Variants in ZCWPW2 observed in about 807,000 individuals in gnomAD.
ZCWPW2 encodes the protein zinc finger CW-type PWWP domain protein 2.
ZCWPW2 carries 45 observed loss-of-function variants against 46.6 expected under a neutral mutation model. That is an observed-to-expected ratio of 0.96 (90% confidence interval 0.76 to 1.24). The LOEUF is 1.24. Among genes scored for constraint, ZCWPW2 ranks in the 50% most tolerant of loss-of-function variants. The probability of loss-of-function intolerance (pLI) is 0.00; values close to 1 mark genes in which losing one functional copy is unlikely to be tolerated. For synonymous variants in ZCWPW2, 152 were observed against 137.1 expected (o/e 1.11, Z -0.76); for missense variants, 429 against 403.9 (o/e 1.06, Z -0.53).
In ZCWPW2 at chr3:28,348,996, C is replaced by A. The variant is rs1209428015; in HGVS notation, c.-341C>A. ...AGCTCTCAGCCGGAAAAGGGGCTGC[C>A]GCTGTCCGCGGGCTCGGCGCCAGGG... On this transcript the variant is annotated 5_prime_UTR_variant, in exon 1 of 10. Transcript: ENST00000383768. The A allele has an allele frequency of 1.0e-6, 1 of 985,816 alleles. No homozygotes were observed. The highest frequency in any genetic ancestry group is 1.2e-6 in the Non-Finnish European group (1 of 830,276). 61.1% of individuals were successfully genotyped at this position (985,816 alleles called of 1,614,324 possible). A position where few individuals can be genotyped will look rare whatever the true frequency, so the allele number is the denominator to read the frequency against.
intron 6 of ZCWPW2, among the ~76,000 whole-genome samples, chr3:28,495,918 G>A (rs1699977820): frequency 6.6e-6 from 1 of 152,014 alleles, no homozygotes; most frequent in South Asian, 2.1e-4. Flanking sequence ...GAACAGGGCT[G>A]TGTAAAACAA....
chr3:28,464,224 A>G (rs1698742328), intron 4 of ZCWPW2, among the ~76,000 whole-genome samples: 1 of 152,096 alleles, frequency 6.6e-6, no homozygotes, highest in Admixed American at 6.6e-5. Flanking sequence ...TGAGAAATCT[A>G]CACACTGAAA....
chr3:28,499,211 C>T lies in ZCWPW2; in HGVS notation c.657+7038C>T, dbSNP rs539845462. 3.3e-5 allele frequency among the ~76,000 whole-genome samples: 5 copies of T among 152,130 alleles called. No homozygotes were observed. In the South Asian group the frequency reaches 8.3e-4, roughly 25 times the overall value. On this transcript the variant is annotated intron_variant, in intron 6 of 9. Coordinates refer to ENST00000383768, the MANE Select transcript of ZCWPW2 (RefSeq NM_001040432.4). ...TGTTATTTCTGGTTCTAAATCCTTG[C>T]GGAATCACCACACTGTCTTCCACAG...
At chr3:28,438,150 T>G (rs1055136275) in intron 4 of ZCWPW2, among the ~76,000 whole-genome samples, 1 of 152,156 alleles carries the variant, frequency 6.6e-6, no homozygotes, top group Non-Finnish European at 1.5e-5. Flanking sequence ...TTTCAAATAT[T>G]AGGGATCTGT....
At chr3:28,486,676 A>G (rs1427937043) in intron 5 of ZCWPW2, among the ~76,000 whole-genome samples, 1 of 152,066 alleles carries the variant, frequency 6.6e-6, no homozygotes, top group Non-Finnish European at 1.5e-5. Context: ...AGAGTTGGAG[A>G]CCAGCCTGGG....
intron 2 of ZCWPW2, among the ~76,000 whole-genome samples, chr3:28,395,626 C>T (rs1392864984): frequency 1.2e-4 from 18 of 152,012 alleles, no homozygotes; most frequent in Admixed American, 1.2e-3. Context: ...GCCTGGGGTA[C>T]ATTATGCTAA....
At chr3:28,426,481 G>T (rs1190317987) in intron 3 of ZCWPW2, among the ~76,000 whole-genome samples, 1 of 151,976 alleles carries the variant, frequency 6.6e-6, no homozygotes. Flanking sequence ...AGTCCAGTTT[G>T]GTAATAAAAT....
intron 4 of ZCWPW2, among the ~76,000 whole-genome samples, chr3:28,463,475 G>T (rs1698717706): frequency 6.6e-6 from 1 of 152,062 alleles, no homozygotes. Context: ...TGTCTGTTTT[G>T]CTGTTGGGAG....
At chr3:28,428,760 A>G (rs1446564166) in intron 3 of ZCWPW2, among the ~76,000 whole-genome samples, 2 of 152,108 alleles carry the variant, frequency 1.3e-5, no homozygotes, top group Non-Finnish European at 2.9e-5. Context: ...GTCAGATCTC[A>G]TGAGATCCAA....
At chr3:28,504,753 C>A (rs1004544502) in intron 6 of ZCWPW2, among the ~76,000 whole-genome samples, 2 of 152,142 alleles carry the variant, frequency 1.3e-5, no homozygotes, top group African/African-American at 4.8e-5. Flanking sequence ...AAAAAGTCTA[C>A]AATTAGAGGT....
intron 6 of ZCWPW2, among the ~76,000 whole-genome samples, chr3:28,498,618 A>G (rs1344997671): frequency 6.6e-6 from 1 of 151,890 alleles, no homozygotes; most frequent in Non-Finnish European, 1.5e-5. Flanking sequence ...CAATAGTATC[A>G]TAGTTCTATT....
intron 4 of ZCWPW2, among the ~76,000 whole-genome samples, chr3:28,449,611 G>A (rs984399990): frequency 2.6e-5 from 4 of 152,130 alleles, no homozygotes; most frequent in Non-Finnish European, 5.9e-5. Flanking sequence ...GGTGATGATT[G>A]CACAACATTA....
At chr3:28,476,069 CTA>C (rs1422752188) in intron 4 of ZCWPW2, among the ~76,000 whole-genome samples, 3 of 151,218 alleles carry the variant, frequency 2.0e-5, no homozygotes, top group Non-Finnish European at 2.9e-5. Flanking sequence ...TTATATATAA[CTA>C]TTCCTAACAT....
chr3:28,395,358 A>G (rs1322845768), intron 2 of ZCWPW2, among the ~76,000 whole-genome samples: 3 of 152,156 alleles, frequency 2.0e-5, no homozygotes, highest in Non-Finnish European at 4.4e-5. Flanking sequence ...AGTTTCCCCA[A>G]AAAGTTAAAA....
intron 1 of ZCWPW2, among the ~76,000 whole-genome samples, chr3:28,362,043 A>G (rs1704962190): frequency 6.6e-6 from 1 of 152,172 alleles, no homozygotes; most frequent in Non-Finnish European, 1.5e-5. Flanking sequence ...AAAGAATTAA[A>G]AAGAAGATCT....
chr3:28,500,499 ATG>A (rs1321962487), intron 6 of ZCWPW2, among the ~76,000 whole-genome samples: 1 of 152,106 alleles, frequency 6.6e-6, no homozygotes, highest in Non-Finnish European at 1.5e-5. Context: ...ACACTTATTA[ATG>A]CCAATAATTT....
At chr3:28,435,298 C>T (rs1559503345) in intron 4 of ZCWPW2, 29 bp downstream of exon 4, 2 of 1,551,060 alleles carry the variant, frequency 1.3e-6, no homozygotes, top group East Asian at 4.6e-5. Flanking sequence ...AAACTTTATT[C>T]TTCTTGCACT....
At chr3:28,470,691 G>A (rs534875683) in intron 4 of ZCWPW2, among the ~76,000 whole-genome samples, 111 of 151,688 alleles carry the variant, frequency 7.3e-4, no homozygotes, top group Non-Finnish European at 1.4e-3. Context: ...TACTAAAAAA[G>A]CAAGAGCAAA....
chr3:28,376,559 T>A (rs570973399), intron 1 of ZCWPW2, among the ~76,000 whole-genome samples: 2 of 152,248 alleles, frequency 1.3e-5, no homozygotes, highest in African/African-American at 4.8e-5. Context: ...GGGAGGAGTG[T>A]CATGAACATA....
Sources: allele counts gnomAD v4.1 joint callset (sites outside exome capture counted in the v4.1 genomes callset), GRCh38; gene constraint gnomAD v4.1.1; transcripts MANE v1.5; gene names NCBI Gene and HGNC (gene_info 2026-07-23, HGNC 2026-07-21).